The following CACNA2D3 variants were observed in gnomAD, a reference collection of about 807,000 sequenced individuals.
CACNA2D3 encodes voltage-dependent calcium channel subunit alpha-2/delta-3.
In CACNA2D3, 60 loss-of-function variants were observed where a neutral mutation model predicts 160.6. The ratio of observed to expected loss-of-function variants is 0.37; its 90% CI spans 0.30 to 0.46. The LOEUF is 0.46. Ranked by LOEUF, CACNA2D3 falls within the 20% of genes least tolerant of loss-of-function variation. The pLI, the probability that CACNA2D3 is intolerant of heterozygous loss-of-function variation, is 1.00. For synonymous variants in CACNA2D3, 558 were observed against 492.9 expected, an observed-to-expected ratio of 1.13 and a Z score of -1.75; for missense variants, 1,205 against 1,365.0, an observed-to-expected ratio of 0.88 and a Z score of 1.85.
chr3:55,014,150 A>T (rs1703273642), intron 34 of CACNA2D3, among the ~76,000 whole-genome samples: 1 of 152,214 alleles, frequency 6.6e-6, no homozygotes, highest in Admixed American at 6.5e-5. Flanking sequence ...GGGCTTGTTT[A>T]TTCTATGGTG....
At chr3:54,695,703 T>A (rs1238152951) in intron 11 of CACNA2D3, among the ~76,000 whole-genome samples, 2 of 152,238 alleles carry the variant, frequency 1.3e-5, no homozygotes, top group East Asian at 3.8e-4. Context: ...TTATAGTCAT[T>A]CATATTTTCT....
chr3:54,669,735 C>CT (rs1187788888), intron 11 of CACNA2D3, among the ~76,000 whole-genome samples: 1 of 150,568 alleles, frequency 6.6e-6, no homozygotes, highest in East Asian at 1.9e-4. Context: ...GACTGGGGCT[C>CT]TTTAAAAAAA....
chr3:54,558,609 CTTCT>C (rs1048819416), intron 5 of CACNA2D3, among the ~76,000 whole-genome samples: 4 of 152,234 alleles, frequency 2.6e-5, no homozygotes, highest in African/African-American at 9.6e-5. Context: ...GTGTTGTTCC[CTTCT>C]TTGTGTCCGT....
At chr3:54,858,614 G>C (rs542143457) in intron 17 of CACNA2D3, among the ~76,000 whole-genome samples, 22 of 152,154 alleles carry the variant, frequency 1.4e-4, no homozygotes, top group Non-Finnish European at 3.1e-4. Flanking sequence ...ATAGGAAACA[G>C]AGCCATCTGC....
chr3:54,818,251 C>T lies in CACNA2D3; in HGVS notation c.1398+1381C>T, dbSNP rs185852378. 4.2e-3 allele frequency among the ~76,000 whole-genome samples: 645 copies of T among 152,294 alleles called. 6 individuals are homozygous for T. The highest frequency in any genetic ancestry group is 0.014 in the Middle Eastern group (4 of 294). ...GTCACCCAGGCTGGAGTGCAACAATCTCGGCTCACGCAATCTCCACCTCCC... is the reference window on the plus strand; with the variant it reads ...GTCACCCAGGCTGGAGTGCAACAATTTCGGCTCACGCAATCTCCACCTCCC... On this transcript the variant is annotated intron_variant, in intron 14 of 37. Coordinates refer to ENST00000474759, the MANE Select transcript of CACNA2D3 (RefSeq NM_018398.3).
chr3:54,388,907 T>C (rs1244115200), intron 4 of CACNA2D3, among the ~76,000 whole-genome samples: 1 of 152,218 alleles, frequency 6.6e-6, no homozygotes, highest in Non-Finnish European at 1.5e-5. Flanking sequence ...ATTCTGATTT[T>C]AAGTGACAGA....
chr3:54,380,691 C>G (rs941934338), intron 3 of CACNA2D3, among the ~76,000 whole-genome samples: 2 of 152,066 alleles, frequency 1.3e-5, no homozygotes, highest in Non-Finnish European at 2.9e-5. Flanking sequence ...GAGCCGAGAT[C>G]ACCTGGGCAA....
intron 35 of CACNA2D3, among the ~76,000 whole-genome samples, chr3:55,044,648 A>G (rs77044938): frequency 0.014 from 2,193 of 151,468 alleles, 57 homozygotes; most frequent in African/African-American, 0.05. Context: ...CTCCAGAGTG[A>G]TGGTGAATAG....
intron 4 of CACNA2D3, among the ~76,000 whole-genome samples, chr3:54,417,035 A>G (rs1409242544): frequency 3.3e-5 from 5 of 152,216 alleles, no homozygotes; most frequent in Admixed American, 6.5e-5. Context: ...CTTAAAAAAT[A>G]CAGGTAGGAA....
chr3:54,392,917 T>C (rs1699306791), intron 4 of CACNA2D3, among the ~76,000 whole-genome samples: 1 of 151,870 alleles, frequency 6.6e-6, no homozygotes, highest in Admixed American at 6.6e-5. Flanking sequence ...AGTGGGAGAG[T>C]GATGTCAACA....
At chr3:54,479,379 T>C (rs1700895207) in intron 4 of CACNA2D3, among the ~76,000 whole-genome samples, 1 of 152,186 alleles carries the variant, frequency 6.6e-6, no homozygotes, top group Admixed American at 6.5e-5. Context: ...TGTTCATGAT[T>C]TCAGACATTG....
rs1291049743 is a variant in CACNA2D3 at position 54,341,312 on chromosome 3, TGATAGTA to T, written c.321+20757_321+20763del. ...TCTACCAGTGGCTGATCAGTCATCC[TGATAGTA>T]GAGCCTCCCGGGGTAGATCCTCTGA... On this transcript the variant is annotated intron_variant, in intron 3 of 37. Coordinates refer to ENST00000474759, the MANE Select transcript of CACNA2D3 (RefSeq NM_018398.3). Among the ~76,000 whole-genome samples, 9 of 152,238 alleles carry T rather than the reference TGATAGTA, an allele frequency of 5.9e-5. No individual in the cohort carries two copies. In the East Asian group the frequency reaches 1.7e-3, roughly 29 times the overall value.
intron 16 of CACNA2D3, among the ~76,000 whole-genome samples, chr3:54,840,581 T>C (rs2106763475): frequency 6.6e-6 from 1 of 151,536 alleles, no homozygotes; most frequent in East Asian, 1.9e-4. Flanking sequence ...TGGCTAATTT[T>C]TGTCCTTTTA....
At chr3:54,266,700 T>C (rs1457432809) in intron 2 of CACNA2D3, among the ~76,000 whole-genome samples, 3 of 152,230 alleles carry the variant, frequency 2.0e-5, no homozygotes, top group Non-Finnish European at 4.4e-5. Context: ...GGGAGTGACC[T>C]CAGCAGGTGA....
intron 2 of CACNA2D3, among the ~76,000 whole-genome samples, chr3:54,169,881 T>C (rs1367008767): frequency 6.6e-6 from 1 of 152,048 alleles, no homozygotes; most frequent in African/African-American, 2.4e-5. Context: ...TAATGATTTT[T>C]CCAGGTCAAG....
intron 4 of CACNA2D3, among the ~76,000 whole-genome samples, chr3:54,386,982 CA>C (rs1699198286): frequency 6.6e-6 from 1 of 152,188 alleles, no homozygotes. Context: ...GTCAAACACT[CA>C]CATGTGTGTA....
At chr3:54,246,446 A>G (rs962983881) in intron 2 of CACNA2D3, among the ~76,000 whole-genome samples, 8 of 152,206 alleles carry the variant, frequency 5.3e-5, no homozygotes, top group Non-Finnish European at 1.0e-4. Context: ...TAATCCCAGT[A>G]CTTTGGGAGG....
chr3:54,496,591 G>A (rs1701206973), intron 4 of CACNA2D3, among the ~76,000 whole-genome samples: 1 of 152,104 alleles, frequency 6.6e-6, no homozygotes, highest in Non-Finnish European at 1.5e-5. Flanking sequence ...CTGAACCGTG[G>A]CTTTCATTTT....
At chr3:54,469,588 C>G (rs1700692109) in intron 4 of CACNA2D3, among the ~76,000 whole-genome samples, 1 of 151,994 alleles carries the variant, frequency 6.6e-6, no homozygotes, top group Admixed American at 6.6e-5. Context: ...GTTTGATGAA[C>G]TGACAGAAGT....
Sources: allele counts gnomAD v4.1 joint callset (sites outside exome capture counted in the v4.1 genomes callset), GRCh38; gene constraint gnomAD v4.1.1; transcripts MANE v1.5; gene names NCBI Gene and HGNC (gene_info 2026-07-23, HGNC 2026-07-21).